Variants in MRPS9 observed in about 807,000 individuals in gnomAD.
The protein encoded by MRPS9 is small ribosomal subunit protein uS9m.
A neutral mutation model predicts 59.9 loss-of-function variants in MRPS9; 45 were observed. The ratio of observed to expected loss-of-function variants is 0.75; its 90% CI spans 0.59 to 0.96. The LOEUF is 0.96. Among genes scored for constraint, MRPS9 ranks in the 40% least tolerant of loss-of-function variants. The pLI is 0.00. For missense variants in MRPS9, 473 were observed against 481.1 expected (o/e 0.98, Z 0.16); for synonymous variants, 171 against 166.8 (o/e 1.03, Z -0.19).
At chr2:105,066,399 G>A (rs55909281) in intron 2 of MRPS9, among the ~76,000 whole-genome samples, 32,918 of 152,066 alleles carry the variant, frequency 0.22, 3,632 homozygotes, top group Middle Eastern at 0.34. Flanking sequence ...TTGTTGGCTT[G>A]TTTTTGTCTT....
chr2:105,053,782 G>C (rs73945016), intron 2 of MRPS9, among the ~76,000 whole-genome samples: 1 of 152,130 alleles, frequency 6.6e-6, no homozygotes, highest in Middle Eastern at 3.4e-3. Flanking sequence ...TTAAAACTCT[G>C]TGTGTGTATA....
chr2:105,042,966 C>A (rs1239074424), intron 1 of MRPS9, among the ~76,000 whole-genome samples: 1 of 152,040 alleles, frequency 6.6e-6, no homozygotes, highest in Non-Finnish European at 1.5e-5. Context: ...CCCCTCCCAC[C>A]CCCCAGAGTC....
At chr2:105,081,035 T>C (rs1680326536) in intron 5 of MRPS9, among the ~76,000 whole-genome samples, 1 of 152,228 alleles carries the variant, frequency 6.6e-6, no homozygotes, top group Admixed American at 6.5e-5. Flanking sequence ...GAGCTGCGGC[T>C]CCGGCTCGGT....
intron 2 of MRPS9, among the ~76,000 whole-genome samples, chr2:105,069,266 G>A (rs529543317): frequency 2.9e-4 from 42 of 145,728 alleles, no homozygotes; most frequent in Admixed American, 1.0e-3. Flanking sequence ...CCAGGCTGGC[G>A]TGCAATGGCG....
At chr2:105,083,630 G>A (rs1415005504) in intron 5 of MRPS9, among the ~76,000 whole-genome samples, 1 of 152,160 alleles carries the variant, frequency 6.6e-6, no homozygotes, top group African/African-American at 2.4e-5. Context: ...TTAAGTCAAG[G>A]CATGTCTGTA....
At chr2:105,057,491 G>A (rs1191310569) in intron 2 of MRPS9, among the ~76,000 whole-genome samples, 1 of 152,162 alleles carries the variant, frequency 6.6e-6, no homozygotes, top group Non-Finnish European at 1.5e-5. Context: ...AAAATTTGGT[G>A]TGTATGGAAA....
At chr2:105,058,174 C>A (rs997726815) in intron 2 of MRPS9, among the ~76,000 whole-genome samples, 1 of 152,120 alleles carries the variant, frequency 6.6e-6, no homozygotes, top group African/African-American at 2.4e-5. Context: ...TGTCTAAGTA[C>A]AACTGACAGC....
intron 2 of MRPS9, among the ~76,000 whole-genome samples, chr2:105,070,873 G>GA (rs1243029339): frequency 2.0e-5 from 3 of 151,916 alleles, no homozygotes; most frequent in Admixed American, 2.0e-4. Flanking sequence ...AAAAACTCTG[G>GA]AAAAAGTTGA....
At chr2:105,049,534 A>T (rs3739158) in intron 2 of MRPS9, among the ~76,000 whole-genome samples, 184 bp downstream of exon 2, 31,492 of 152,200 alleles carry the variant, frequency 0.21, 3,336 homozygotes, top group Middle Eastern at 0.35. Context: ...TTTACTTAGT[A>T]TGGTGAGTTT....
At chr2:105,097,110 A>G (rs2104472371) in intron 9 of MRPS9, 45 bp from the exon 10 acceptor site, 6 of 1,409,590 alleles carry the variant, frequency 4.3e-6, no homozygotes, top group African/African-American at 1.5e-5. Flanking sequence ...ATAATTATGT[A>G]TCTTTATAGT....
chr2:105,057,181 G>C (rs561151381), intron 2 of MRPS9, among the ~76,000 whole-genome samples: 5 of 152,296 alleles, frequency 3.3e-5, no homozygotes, highest in Admixed American at 3.3e-4. Context: ...ACTGAACCAT[G>C]ATGGTGCTAC....
chr2:105,098,766 C>G (rs908711367), intron 10 of MRPS9: 1 of 152,120 alleles, frequency 6.6e-6, no homozygotes, highest in Non-Finnish European at 1.5e-5. Context: ...AATACCCAAG[C>G]CTTGTATACA....
At chr2:105,090,582 A>G (rs1445120477) in intron 7 of MRPS9, among the ~76,000 whole-genome samples, 1 of 152,214 alleles carries the variant, frequency 6.6e-6, no homozygotes, top group Admixed American at 6.5e-5. Context: ...TTTTTAACCA[A>G]CTTTCCAGGC....
chr2:105,081,677 T>C (rs906318387), intron 5 of MRPS9, among the ~76,000 whole-genome samples: 1 of 152,190 alleles, frequency 6.6e-6, no homozygotes, highest in Non-Finnish European at 1.5e-5. Flanking sequence ...ACTGATCAGT[T>C]TCTAAGTGGA....
Position 105,092,384 on chromosome 2 carries a change from A to G in MRPS9, c.652-17A>G. On this transcript the variant is annotated splice_polypyrimidine_tract_variant and intron_variant, in intron 7 of 10. Coordinates refer to ENST00000258455, the MANE Select transcript of MRPS9 (RefSeq NM_182640.3). Reference sequence around the variant, plus strand: ...CAATTACACTTGCACCTTCTAATGAATTTTTATTGTCTGCAGTATATGCAG... The same window carrying G: ...CAATTACACTTGCACCTTCTAATGAGTTTTTATTGTCTGCAGTATATGCAG... 1 of 1,580,916 alleles carries G rather than the reference A, an allele frequency of 6.3e-7. No individual in the cohort carries two copies. Among genetic ancestry groups the G allele is most frequent in the Non-Finnish European group, 8.6e-7 (1 of 1,167,466 alleles).
intron 1 of MRPS9, among the ~76,000 whole-genome samples, chr2:105,048,605 A>G (rs1227736962): frequency 3.3e-5 from 5 of 151,976 alleles, no homozygotes; most frequent in South Asian, 2.1e-4. Flanking sequence ...CAGTCAAGCA[A>G]TTTTTTCTTT....
chr2:105,096,611 A>G (rs1190827211), intron 9 of MRPS9, among the ~76,000 whole-genome samples: 1 of 152,196 alleles, frequency 6.6e-6, no homozygotes, highest in Non-Finnish European at 1.5e-5. Context: ...CTTTAAGAAT[A>G]TTGGGAATAG....
chr2:105,038,535 C>T (rs570398077), intron 1 of MRPS9: 23 of 338,918 alleles, frequency 6.8e-5, no homozygotes, highest in Non-Finnish European at 1.3e-4. Flanking sequence ...TGTGTTGGGT[C>T]CAGTCCTACC....
At chr2:105,073,057 A>C (rs2104455540) in intron 4 of MRPS9, among the ~76,000 whole-genome samples, 1 of 152,270 alleles carries the variant, frequency 6.6e-6, no homozygotes, top group Admixed American at 6.5e-5. Flanking sequence ...TACATTAAAC[A>C]CCTAGTAGCT....
Sources: gnomAD v4.1 joint callset for allele counts (sites outside exome capture counted in the v4.1 genomes callset) on GRCh38, gnomAD v4.1.1 for gene constraint, MANE v1.5 for transcripts, NCBI Gene and HGNC (gene_info 2026-07-23, HGNC 2026-07-21) for gene names.